The following ARHGAP28 variants were observed in gnomAD, a reference collection of about 807,000 sequenced individuals.
The protein encoded by ARHGAP28 is Rho GTPase activating protein 28.
ARHGAP28 carries 56 observed loss-of-function variants against 90.7 expected under a neutral mutation model. That is an observed-to-expected ratio of 0.62 (90% CI 0.50 to 0.77). ARHGAP28 has a LOEUF of 0.77. ARHGAP28 is among the 30% of genes least tolerant of loss of function. The pLI is 0.00. For missense variants in ARHGAP28, 869 were observed against 900.9 expected (o/e 0.96, Z 0.45); for synonymous variants, 308 against 323.3 (o/e 0.95, Z 0.51).
At position 6,824,928 on chromosome 18, in the gene ARHGAP28, G is replaced by A; in HGVS notation, c.289G>A (p.Glu97Lys). Residue 97 changes from glutamate to lysine, a missense_variant, in exon 2 of 18, where the codon GAA becomes AAA. Coordinates refer to ENST00000383472, the MANE Select transcript of ARHGAP28 (RefSeq NM_001366230.1). ...SIKDSSMGGQ[E>K]EPPPAEVTPV... ...TAAAGACAGCAGCATGGGAGGGCAA[G>A]AAGAGCCACCGCCAGCTGAGGTCAC... 6.5e-7 allele frequency: 1 copy of A among 1,535,832 alleles called. No homozygotes were observed. Among genetic ancestry groups the A allele is most frequent in the Non-Finnish European group, 8.7e-7 (1 of 1,146,800 alleles).
At chr18:6,890,957 G>A (rs1268452273) in intron 14 of ARHGAP28, among the ~76,000 whole-genome samples, 7 of 152,150 alleles carry the variant, frequency 4.6e-5, no homozygotes, top group Admixed American at 2.0e-4. Context: ...AAATTATTTT[G>A]TGTAACTTCA....
At chr18:6,825,537 C>A (rs190787752) in intron 2 of ARHGAP28, among the ~76,000 whole-genome samples, 48 of 152,250 alleles carry the variant, frequency 3.2e-4, no homozygotes, top group Non-Finnish European at 2.5e-4. Context: ...AGGTTTCTTA[C>A]ATGGGTATAT....
chr18:6,838,210 T>C (rs1416436700), intron 3 of ARHGAP28, among the ~76,000 whole-genome samples: 1 of 152,208 alleles, frequency 6.6e-6, no homozygotes, highest in Non-Finnish European at 1.5e-5. Context: ...ATAACTAGTA[T>C]ATAGAAAAAA....
At chr18:6,782,009 A>G (rs1311918359) in intron 1 of ARHGAP28, among the ~76,000 whole-genome samples, 1 of 152,154 alleles carries the variant, frequency 6.6e-6, no homozygotes, top group Non-Finnish European at 1.5e-5. Flanking sequence ...AGAGGGGCAC[A>G]TCAGTCAACA....
chr18:6,890,282 T>A, intron 13 of ARHGAP28, 148 bp from the exon 14 acceptor site: 1 of 781,410 alleles, frequency 1.3e-6, no homozygotes, highest in South Asian at 1.9e-5. Context: ...ATCCACATAA[T>A]TTTTTCTAAA....
intron 4 of ARHGAP28, among the ~76,000 whole-genome samples, chr18:6,857,536 G>A (rs1192428873): frequency 6.6e-6 from 1 of 152,218 alleles, no homozygotes; most frequent in East Asian, 1.9e-4. Flanking sequence ...GGGTGGCAGC[G>A]AGTGTTTTCA....
intron 1 of ARHGAP28, among the ~76,000 whole-genome samples, chr18:6,788,264 A>C (rs1241202689): frequency 6.6e-6 from 1 of 152,126 alleles, no homozygotes; most frequent in Non-Finnish European, 1.5e-5. Context: ...TGCTCCGGCC[A>C]GGTGACGTGC....
At chr18:6,767,935 C>G (rs2056212239) in intron 1 of ARHGAP28, among the ~76,000 whole-genome samples, 1 of 152,146 alleles carries the variant, frequency 6.6e-6, no homozygotes, top group East Asian at 1.9e-4. Context: ...ACTCCAGTAC[C>G]ACATATGTTG....
At chr18:6,884,603 G>T (rs577277746) in intron 11 of ARHGAP28, among the ~76,000 whole-genome samples, 1 of 152,216 alleles carries the variant, frequency 6.6e-6, no homozygotes, top group Non-Finnish European at 1.5e-5. Flanking sequence ...TTTTAAGCCG[G>T]CAGTTTGCTT....
At chr18:6,791,957 C>T (rs1241336135) in intron 1 of ARHGAP28, among the ~76,000 whole-genome samples, 1 of 151,992 alleles carries the variant, frequency 6.6e-6, no homozygotes, top group East Asian at 1.9e-4. Flanking sequence ...CACCACCATG[C>T]CCGGCTAATT....
At chr18:6,877,070 T>C (rs1600276465) in intron 10 of ARHGAP28, among the ~76,000 whole-genome samples, 1 of 152,026 alleles carries the variant, frequency 6.6e-6, no homozygotes, top group Non-Finnish European at 1.5e-5. Flanking sequence ...AAAACCAATG[T>C]GGTAATGTTT....
chr18:6,817,453 G>T (rs2056599351), intron 1 of ARHGAP28, among the ~76,000 whole-genome samples: 1 of 152,110 alleles, frequency 6.6e-6, no homozygotes, highest in South Asian at 2.1e-4. Context: ...GGATACAGAG[G>T]GTGTCTCATC....
intron 1 of ARHGAP28, among the ~76,000 whole-genome samples, chr18:6,759,046 T>C (rs1013744589): frequency 6.6e-6 from 1 of 152,232 alleles, no homozygotes; most frequent in African/African-American, 2.4e-5. Flanking sequence ...TTAAATTTAA[T>C]ACTTAGTATG....
chr18:6,896,658 A>G lies in ARHGAP28; in HGVS notation c.2030+32A>G, dbSNP rs145727674. 267 of 1,611,514 alleles carry G rather than the reference A, an allele frequency of 1.7e-4. No individual in the cohort carries two copies. The African/African-American group carries it at 3.3e-3, about 20-fold the overall frequency. On this transcript the variant is annotated intron_variant, in intron 16 of 17. Transcript: ENST00000383472. ...CAATGTGAATGAAGGTCTCTGCACA[A>G]GAAGGAAAAACCTTTATCAGATGAA... is the stretch of plus-strand genomic sequence containing the variant.
At chr18:6,844,564 CA>C (rs1338970139) in intron 3 of ARHGAP28, among the ~76,000 whole-genome samples, 1 of 152,148 alleles carries the variant, frequency 6.6e-6, no homozygotes, top group East Asian at 1.9e-4. Flanking sequence ...TTATACATAA[CA>C]AGTGATTTAT....
intron 11 of ARHGAP28, among the ~76,000 whole-genome samples, chr18:6,882,989 G>GGGGGT (rs1199973607): frequency 6.6e-6 from 1 of 152,096 alleles, no homozygotes; most frequent in African/African-American, 2.4e-5. Context: ...AAAGTAGAAT[G>GGGGGT]GGGGTACATA....
intron 1 of ARHGAP28, among the ~76,000 whole-genome samples, chr18:6,752,709 T>C (rs536151897): frequency 6.6e-6 from 1 of 152,200 alleles, no homozygotes; most frequent in East Asian, 1.9e-4. Flanking sequence ...TGCCTGGGAG[T>C]GCTGTGTGAC....
At chr18:6,883,134 A>T (rs2057192369) in intron 11 of ARHGAP28, among the ~76,000 whole-genome samples, 1 of 152,140 alleles carries the variant, frequency 6.6e-6, no homozygotes. Context: ...CCCCATCTAG[A>T]GACATTGACC....
At chr18:6,840,951 C>G (rs2056803050) in intron 3 of ARHGAP28, among the ~76,000 whole-genome samples, 2 of 152,064 alleles carry the variant, frequency 1.3e-5, no homozygotes, top group Admixed American at 1.3e-4. Context: ...GCCTAAGAAA[C>G]ATCTTCACAG....
Sources: gnomAD v4.1 joint callset for allele counts (sites outside exome capture counted in the v4.1 genomes callset) on GRCh38, gnomAD v4.1.1 for gene constraint, MANE v1.5 for transcripts, NCBI Gene and HGNC (gene_info 2026-07-23, HGNC 2026-07-21) for gene names.